MYH11: variants seen among roughly 807,000 people sequenced by gnomAD.
MYH11 encodes the protein myosin-11.
In MYH11, 80 loss-of-function variants were observed where a neutral mutation model predicts 246.6. The ratio of observed to expected loss-of-function variants is 0.32; its 90% CI spans 0.27 to 0.39. The LOEUF is 0.39. Among genes scored for constraint, MYH11 ranks in the 10% least tolerant of loss-of-function variants. The pLI, the probability that MYH11 is intolerant of heterozygous loss-of-function variation, is 1.00. For synonymous variants in MYH11, 1,071 were observed against 1,015.5 expected, an observed-to-expected ratio of 1.05 and a Z score of -1.04; for missense variants, 2,158 against 2,546.8, an observed-to-expected ratio of 0.85 and a Z score of 3.29.
chr16:15,797,287 C>G (rs2042762833), intron 4 of MYH11, among the ~76,000 whole-genome samples: 1 of 152,138 alleles, frequency 6.6e-6, no homozygotes. Context: ...AATTGTCCTT[C>G]CAGATAATTT....
intron 20 of MYH11, among the ~76,000 whole-genome samples, chr16:15,744,265 GCT>G (rs2041355930): frequency 6.6e-6 from 1 of 152,076 alleles, no homozygotes; most frequent in Non-Finnish European, 1.5e-5. Context: ...CGCGATCTCA[GCT>G]CTCTGCAACC....
intron 36 of MYH11, 87 bp downstream of exon 36, chr16:15,719,133 A>C (rs1032734989): frequency 1.8e-5 from 25 of 1,393,332 alleles, no homozygotes; most frequent in African/African-American, 4.3e-5. Context: ...GTCTCGAAAA[A>C]ATTTAAAAAA....
At chr16:15,742,386 T>C (rs1314448937) in intron 20 of MYH11, among the ~76,000 whole-genome samples, 2 of 152,220 alleles carry the variant, frequency 1.3e-5, no homozygotes, top group Non-Finnish European at 2.9e-5. Flanking sequence ...TCTTTTTCTA[T>C]GTTTAAAAAA....
chr16:15,778,766 C>T lies in MYH11; in HGVS notation c.790+14G>A, dbSNP rs755401174. Reference sequence around the variant, plus strand: ...CAGGGGTACCCATTTGGCCCAGGCTCAGGGAAAGGATACAGGTCTCAATGT... The same window carrying T: ...CAGGGGTACCCATTTGGCCCAGGCTTAGGGAAAGGATACAGGTCTCAATGT... On this transcript the variant is annotated intron_variant, in intron 7 of 40. Coordinates refer to ENST00000300036, the MANE Select transcript of MYH11 (RefSeq NM_002474.3). The T allele has an allele frequency of 2.5e-6, 4 of 1,613,960 alleles. No homozygotes were observed. In the South Asian group the frequency reaches 4.4e-5, roughly 18 times the overall value.
intron 1 of MYH11, among the ~76,000 whole-genome samples, chr16:15,844,208 A>C (rs1249438206): frequency 6.6e-6 from 1 of 152,046 alleles, no homozygotes; most frequent in Non-Finnish European, 1.5e-5. Context: ...AATGCAGTAA[A>C]CTCCCAAAGG....
chr16:15,763,741 T>TCCGCGCC, intron 10 of MYH11, 55 bp downstream of exon 10: 1 of 646,862 alleles, frequency 1.5e-6, no homozygotes, highest in Non-Finnish European at 2.9e-6. Context: ...AAATGTCACC[T>TCCGCGCC]CCCCCACCCC....
At chr16:15,746,010 G>A (rs1004747861) in intron 19 of MYH11, among the ~76,000 whole-genome samples, 5 of 152,128 alleles carry the variant, frequency 3.3e-5, no homozygotes, top group African/African-American at 1.2e-4. Flanking sequence ...TCAAATTCCT[G>A]GGCTTAAATG....
At chr16:15,851,356 C>G (rs2044324172) in intron 1 of MYH11, among the ~76,000 whole-genome samples, 1 of 152,112 alleles carries the variant, frequency 6.6e-6, no homozygotes, top group Non-Finnish European at 1.5e-5. Flanking sequence ...GGCCAGACAG[C>G]TTCCTATATA....
At chr16:15,800,258 G>A (rs1291766585) in intron 3 of MYH11, among the ~76,000 whole-genome samples, 2 of 151,928 alleles carry the variant, frequency 1.3e-5, no homozygotes, top group South Asian at 2.1e-4. Context: ...ATAGGTAAAT[G>A]GACGGGAGGA....
At chr16:15,793,931 GTTTCT>G (rs1377852206) in intron 4 of MYH11, among the ~76,000 whole-genome samples, 1 of 113,030 alleles carries the variant, frequency 8.8e-6, no homozygotes, top group Non-Finnish European at 1.8e-5. Context: ...CCAATTTTCA[GTTTCT>G]TTTCTTTTCT....
intron 40 of MYH11, chr16:15,708,770 CAA>C (rs1567674611): frequency 1.9e-6 from 3 of 1,595,628 alleles, no homozygotes; most frequent in Non-Finnish European, 2.6e-6. Flanking sequence ...GATACTGAGA[CAA>C]CACACAGCTG....
intron 2 of MYH11, among the ~76,000 whole-genome samples, chr16:15,826,344 T>G (rs1044868166): frequency 6.6e-6 from 1 of 151,932 alleles, no homozygotes; most frequent in African/African-American, 2.4e-5. Context: ...TCCCAGCACT[T>G]TGGGAGGTCA....
intron 26 of MYH11, among the ~76,000 whole-genome samples, chr16:15,733,461 G>T (rs757828909): frequency 6.6e-6 from 1 of 151,554 alleles, no homozygotes; most frequent in African/African-American, 2.4e-5. Context: ...TCGAACTCCT[G>T]ACCTCAGGTG....
In MYH11 at chr16:15,703,884, TAC is replaced by T. The variant is rs772589716; in HGVS notation, c.*105_*106del. 1.4e-6 allele frequency: 2 copies of T among 1,426,444 alleles called. No individual in the cohort carries two copies. Among genetic ancestry groups the T allele is most frequent in the South Asian group, 2.3e-5 (2 of 86,578 alleles). 88.4% of individuals were successfully genotyped at this position (1,426,444 alleles called of 1,614,324 possible). A position where few individuals can be genotyped will look rare whatever the true frequency, so the allele number is the denominator to read the frequency against. On this transcript the variant is annotated 3_prime_UTR_variant, in exon 41 of 41. Coordinates refer to ENST00000300036, the MANE Select transcript of MYH11 (RefSeq NM_002474.3). ...GAGAATGGATTTAGACAATGCTAAG[TAC>T]AGTCTGCTGGGTTTTGCTTTGTTCT... is the stretch of plus-strand genomic sequence containing the variant.
At chr16:15,735,752 G>C (rs565643831) in intron 25 of MYH11, among the ~76,000 whole-genome samples, 174 bp from the exon 26 acceptor site, 3 of 152,208 alleles carry the variant, frequency 2.0e-5, no homozygotes, top group Non-Finnish European at 4.4e-5. Context: ...GATTAACATA[G>C]GATGTGAGTG....
chr16:15,824,780 T>C (rs956140081), intron 2 of MYH11, among the ~76,000 whole-genome samples: 1 of 152,208 alleles, frequency 6.6e-6, no homozygotes, highest in Non-Finnish European at 1.5e-5. Context: ...GACCTCCCAA[T>C]GTCCATATCT....
chr16:15,755,827 G>A (rs926739763), intron 14 of MYH11, among the ~76,000 whole-genome samples: 1 of 152,208 alleles, frequency 6.6e-6, no homozygotes, highest in Non-Finnish European at 1.5e-5. Context: ...AGCTATTTGG[G>A]AGGCTGAGGC....
chr16:15,827,956 A>G (rs1212552703), intron 2 of MYH11, among the ~76,000 whole-genome samples: 1 of 152,160 alleles, frequency 6.6e-6, no homozygotes, highest in African/African-American at 2.4e-5. Flanking sequence ...CCTCGACTCC[A>G]TCTCCAGCTC....
In MYH11 at chr16:15,735,527, C is replaced by G; in HGVS notation, c.3345G>C (p.Glu1115Asp). ...GGAGGTCTGAGATGTGGCCCTCCAG[C>G]TCCCGGATCTTCTTCAGGGCATTGT... ...QKNNALKKIR[E>D]LEGHISDLQE... is the part of the protein sequence containing the mutation. The change falls in exon 26 of 41, where the codon GAG becomes GAC. Residue 1115 changes from glutamate to aspartate, a missense_variant. By Grantham distance (45) the Glu-to-Asp change is conservative. This residue lies in a region of MYH11 where 284 missense variants were observed against 315.4 expected (regional missense o/e 0.90). Transcript: ENST00000300036. 6.2e-7 allele frequency: 1 copy of G among 1,614,188 alleles called. No individual in the cohort carries two copies. The highest frequency in any genetic ancestry group is 1.7e-4 in the Middle Eastern group (1 of 6,060).
Sources: allele counts gnomAD v4.1 joint callset (sites outside exome capture counted in the v4.1 genomes callset), GRCh38; gene constraint gnomAD v4.1.1; regional missense constraint gnomAD v4.1.1; transcripts MANE v1.5; gene names NCBI Gene and HGNC (gene_info 2026-07-23, HGNC 2026-07-21).